SACS: variants seen among roughly 807,000 people sequenced by gnomAD.
The protein encoded by SACS is sacsin molecular chaperone.
In SACS, 197 loss-of-function variants were observed where a neutral mutation model predicts 348.0. The observed-to-expected ratio is 0.57, with a 90% confidence interval of 0.50 to 0.64. The LOEUF (loss-of-function observed/expected upper bound fraction) is 0.64. SACS is among the 30% of genes least tolerant of loss of function. The pLI, the probability that SACS is intolerant of heterozygous loss-of-function variation, is 0.00. For synonymous variants in SACS, 1,985 were observed against 1,910.6 expected, an observed-to-expected ratio of 1.04 and a Z score of -1.02; for missense variants, 4,999 against 5,360.8, an observed-to-expected ratio of 0.93 and a Z score of 2.11.
At chr13:23,368,541 C>A in intron 4 of SACS, 54 bp from the exon 5 acceptor site, 1 of 1,279,486 alleles carries the variant, frequency 7.8e-7, no homozygotes, top group South Asian at 1.2e-5. Flanking sequence ...CATGAATTGT[C>A]ACCAATGTGT....
chr13:23,368,553 A>C, intron 4 of SACS, 66 bp from the exon 5 acceptor site: 1 of 1,115,732 alleles, frequency 9.0e-7, no homozygotes, highest in African/African-American at 1.5e-5. Context: ...CCAATGTGTG[A>C]CTTGAATCTG....
chr13:23,354,781 C>T lies in SACS; in HGVS notation c.1831G>A (p.Ala611Thr). The T allele has an allele frequency of 6.2e-7, 1 of 1,614,178 alleles. No individual in the cohort carries two copies. Among genetic ancestry groups the T allele is most frequent in the Non-Finnish European group, 8.5e-7 (1 of 1,180,020 alleles). Residue 611 changes from alanine to threonine, a missense_variant, in exon 8 of 10, where the codon GCT becomes ACT. Transcript: ENST00000382292. ...CCAGAGGCAGCTGTGAGCTGAACAG[C>T]AGCATCCACATTCCCTGGTACCTTG... ...IAKVPGNVDA[A>T]VQLTAASGTT...
rs560937205 is a variant in SACS at position 23,332,224 on chromosome 13, C to G, written c.11652G>C (p.Leu3884=). ...CTGAATCATTCTGTAGACTCCTGAACAGACCAGAAACTACTCTCTTAACTG... is the reference window on the plus strand; with the variant it reads ...CTGAATCATTCTGTAGACTCCTGAAGAGACCAGAAACTACTCTCTTAACTG... ...MRTVKRVVSG[L]FRSLQNDSVK... is the part of the protein sequence containing the mutation. The change falls in exon 10 of 10, where the codon CTG becomes CTC. Residue 3884 remains leucine (L), a synonymous_variant. Transcript: ENST00000382292. 2 of 1,613,968 alleles carry G rather than the reference C, an allele frequency of 1.2e-6. No homozygotes were observed. The highest frequency in any genetic ancestry group is 8.5e-7 in the Non-Finnish European group (1 of 1,179,944).
Position 23,331,644 on chromosome 13 carries a change from G to T in SACS, c.12232C>A (p.Arg4078=), listed in dbSNP as rs141315518. 60 of 1,613,838 alleles carry T rather than the reference G, an allele frequency of 3.7e-5. No homozygotes were observed. The African/African-American group carries it at 7.6e-4, about 20-fold the overall frequency. Residue 4078 remains arginine (R), a synonymous_variant, in exon 10 of 10, where the codon CGA becomes AGA. Transcript: ENST00000382292. ...AGCAAGATGACTGCATTACCAAATC[G>T]CTTCAAAAAAGCAAAAGTTTCACTT... ...SRSETFAFLK[R]FGNAVILLYI... is the part of the protein sequence containing the mutation.
intron 5 of SACS, among the ~76,000 whole-genome samples, chr13:23,366,922 A>C (rs1871102033): frequency 2.0e-5 from 3 of 152,206 alleles, no homozygotes. Context: ...ACTCCTATTA[A>C]ATCTAAAACA....
intron 2 of SACS, among the ~76,000 whole-genome samples, chr13:23,378,875 T>C (rs776323228): frequency 1.8e-4 from 27 of 152,136 alleles, no homozygotes; most frequent in Non-Finnish European, 3.8e-4. Context: ...AGGAAACTTA[T>C]CATATAAACT....
chr13:23,392,200 C>A (rs913492710), intron 2 of SACS, among the ~76,000 whole-genome samples: 2 of 152,202 alleles, frequency 1.3e-5, no homozygotes, highest in Non-Finnish European at 2.9e-5. Context: ...AGGACTGTAA[C>A]CGGGCCCTCT....
Position 23,330,744 on chromosome 13 carries a change from G to T in SACS, c.13132C>A (p.Arg4378=). ...CGGGATGCTGAGGTTGAAAATGTTC[G>T]TCTGGAGGCCCTGTCTGCATTTTGA... ...LDQNADRASR[R]TFSTSASRFQ... is the part of the protein sequence containing the mutation. Residue 4378 remains arginine, a synonymous_variant, in exon 10 of 10, where the codon CGA becomes AGA. Transcript: ENST00000382292. 1 of 1,613,878 alleles carries T rather than the reference G, an allele frequency of 6.2e-7. No individual in the cohort carries two copies. Among genetic ancestry groups the T allele is most frequent in the Non-Finnish European group, 8.5e-7 (1 of 1,179,888 alleles).
Position 23,354,950 on chromosome 13 carries a change from G to A in SACS, c.1662C>T (p.Ser554=), listed in dbSNP as rs185812845. 34 of 1,614,188 alleles carry A rather than the reference G, an allele frequency of 2.1e-5. No individual in the cohort carries two copies. Among genetic ancestry groups the A allele is most frequent in the East Asian group, 2.0e-4 (9 of 44,886 alleles). The change falls in exon 8 of 10, where the codon AGC becomes AGT. Residue 554 remains serine, a synonymous_variant. Coordinates refer to ENST00000382292, the MANE Select transcript of SACS (RefSeq NM_014363.6). ...HWQPVLEPLF[S]ELLQNAVIYS... ...AAATCACTGCATTCTGCAACAGCTC[G>A]CTGAATAGAGGCTCTAACACCGGTT...
chr13:23,432,942 G>A (rs1874493184), intron 1 of SACS, among the ~76,000 whole-genome samples: 2 of 151,954 alleles, frequency 1.3e-5, no homozygotes, highest in Admixed American at 1.3e-4. Flanking sequence ...TCGTTTTAAG[G>A]AAGAAAAAAA....
chr13:23,346,598 G>A (rs777676791), intron 9 of SACS, among the ~76,000 whole-genome samples: 30 of 152,092 alleles, frequency 2.0e-4, no homozygotes, highest in Non-Finnish European at 3.4e-4. Flanking sequence ...ATGTTTCCAA[G>A]TCATTTGAAT....
intron 5 of SACS, among the ~76,000 whole-genome samples, chr13:23,366,645 T>TA (rs1871081715): frequency 1.3e-5 from 2 of 152,204 alleles, no homozygotes; most frequent in Admixed American, 1.3e-4. Flanking sequence ...ATTTATTATT[T>TA]ATGTGTACTT....
chr13:23,420,813 C>T (rs557298221), intron 1 of SACS, among the ~76,000 whole-genome samples: 2 of 151,952 alleles, frequency 1.3e-5, no homozygotes, highest in African/African-American at 2.4e-5. Context: ...GGTGTCCACC[C>T]AAGACATTTG....
At chr13:23,402,264 C>T (rs891747087) in intron 2 of SACS, among the ~76,000 whole-genome samples, 1 of 150,798 alleles carries the variant, frequency 6.6e-6, no homozygotes, top group Non-Finnish European at 1.5e-5. Flanking sequence ...AGCAGAACAA[C>T]AATTAATTAC....
At chr13:23,401,174 A>G (rs1436353836) in intron 2 of SACS, among the ~76,000 whole-genome samples, 1 of 152,208 alleles carries the variant, frequency 6.6e-6, no homozygotes, top group Non-Finnish European at 1.5e-5. Flanking sequence ...CACATATAAG[A>G]GGAAAAGATC....
chr13:23,398,698 G>A (rs1303758462), intron 2 of SACS, among the ~76,000 whole-genome samples: 1 of 152,058 alleles, frequency 6.6e-6, no homozygotes, highest in Non-Finnish European at 1.5e-5. Flanking sequence ...GGGATCAACG[G>A]AAAGGAATGT....
chr13:23,331,586 T>C lies in SACS; in HGVS notation c.12290A>G (p.Asn4097Ser). 1 of 1,614,008 alleles carries C rather than the reference T, an allele frequency of 6.2e-7. No individual in the cohort carries two copies. The change falls in exon 10 of 10, where the codon AAT becomes AGT. Residue 4097 changes from asparagine to serine, a missense_variant. Asn to Ser is a conservative substitution (Grantham distance 46). Transcript: ENST00000382292. ...YIQHSDSKDI[N>S]FLLALAMTLK... is the part of the protein sequence containing the mutation. ...AGTCATTGCCAATGCTAACAGGAAA[T>C]TAATGTCTTTACTGTCTGAATGTTG...
chr13:23,384,395 G>A (rs1031550357), intron 2 of SACS, among the ~76,000 whole-genome samples: 9 of 152,328 alleles, frequency 5.9e-5, no homozygotes, highest in African/African-American at 2.2e-4. Context: ...CGAATGTAGT[G>A]ATGTTCACAT....
intron 1 of SACS, among the ~76,000 whole-genome samples, chr13:23,430,597 C>G (rs1874396002): frequency 1.3e-5 from 2 of 152,110 alleles, no homozygotes; most frequent in African/African-American, 2.4e-5. Context: ...TGCACAAATT[C>G]TAGATACGTA....
Sources: allele counts gnomAD v4.1 joint callset (sites outside exome capture counted in the v4.1 genomes callset), GRCh38; gene constraint gnomAD v4.1.1; transcripts MANE v1.5; gene names NCBI Gene and HGNC (gene_info 2026-07-23, HGNC 2026-07-21).